Variants in ANK1 observed in about 807,000 individuals in gnomAD.
ANK1 encodes ankyrin-1.
In ANK1, 51 loss-of-function variants were observed where a neutral mutation model predicts 210.4. The observed-to-expected ratio is 0.24, with a 90% CI of 0.19 to 0.31. ANK1 has a LOEUF of 0.31. Among genes scored for constraint, ANK1 ranks in the 10% least tolerant of loss-of-function variants. The pLI is 1.00. For missense variants in ANK1, 2,051 were observed against 2,504.4 expected (o/e 0.82, Z 3.86); for synonymous variants, 967 against 1,025.9 (o/e 0.94, Z 1.10).
chr8:41,738,236 T>C (rs149084315), intron 2 of ANK1, among the ~76,000 whole-genome samples: 51 of 152,236 alleles, frequency 3.4e-4, no homozygotes, highest in African/African-American at 1.2e-3. Flanking sequence ...TAAAATATGC[T>C]CCCAGCTCTC....
chr8:41,662,503 A>G (rs542024470), intron 40 of ANK1, among the ~76,000 whole-genome samples: 1 of 152,332 alleles, frequency 6.6e-6, no homozygotes, highest in African/African-American at 2.4e-5. Flanking sequence ...CCTCGAGCCC[A>G]CAGCCTTCTG....
chr8:41,864,833 T>C (rs903023295), intron 1 of ANK1, among the ~76,000 whole-genome samples: 2 of 152,124 alleles, frequency 1.3e-5, no homozygotes, highest in African/African-American at 4.8e-5. Context: ...CAAAGCCATG[T>C]CCACATGAAG....
chr8:41,841,528 C>T (rs1157960659), intron 1 of ANK1, among the ~76,000 whole-genome samples: 2 of 152,072 alleles, frequency 1.3e-5, no homozygotes, highest in Admixed American at 1.3e-4. Context: ...GGATGACTCC[C>T]CGGCTAAGTG....
chr8:41,774,159 C>T (rs1167397068), intron 1 of ANK1, among the ~76,000 whole-genome samples: 1 of 152,100 alleles, frequency 6.6e-6, no homozygotes, highest in Non-Finnish European at 1.5e-5. Context: ...CTCATCTCCG[C>T]TCAACTCAGA....
intron 31 of ANK1, among the ~76,000 whole-genome samples, chr8:41,692,083 G>A (rs1435587030): frequency 6.7e-6 from 1 of 149,426 alleles, no homozygotes; most frequent in East Asian, 2.0e-4. Flanking sequence ...TTTAAACAGA[G>A]TCTTGCTCTG....
chr8:41,774,371 C>G (rs572539941), intron 1 of ANK1, among the ~76,000 whole-genome samples: 2 of 152,338 alleles, frequency 1.3e-5, no homozygotes, highest in South Asian at 2.1e-4. Flanking sequence ...ACTCAGATTT[C>G]TAAATGAATC....
chr8:41,758,173 G>C (rs755419240), intron 1 of ANK1, 36 bp from the exon 2 acceptor site: 1 of 1,581,986 alleles, frequency 6.3e-7, no homozygotes, highest in Non-Finnish European at 8.7e-7. Flanking sequence ...AGTGTCCTGG[G>C]TGTATTAATG....
intron 33 of ANK1, among the ~76,000 whole-genome samples, chr8:41,689,216 C>T (rs144779892): frequency 0.034 from 5,138 of 152,214 alleles, 144 homozygotes; most frequent in South Asian, 0.053. Context: ...CTCAAACTCC[C>T]GGCCTCAAGT....
chr8:41,664,647 T>C (rs1809749481), intron 39 of ANK1, among the ~76,000 whole-genome samples: 1 of 152,060 alleles, frequency 6.6e-6, no homozygotes, highest in Non-Finnish European at 1.5e-5. Context: ...ACACACACTC[T>C]GGCTCCCAGG....
chr8:41,792,570 G>C (rs1049574247), intron 1 of ANK1, among the ~76,000 whole-genome samples: 4 of 152,226 alleles, frequency 2.6e-5, no homozygotes, highest in Admixed American at 1.3e-4. Flanking sequence ...ATAAGAGGAA[G>C]TGACTCAAAG....
intron 1 of ANK1, among the ~76,000 whole-genome samples, chr8:41,758,923 G>C (rs1839820950): frequency 6.6e-6 from 1 of 151,828 alleles, no homozygotes; most frequent in South Asian, 2.1e-4. Context: ...TAGAGATGGG[G>C]TCTCACTATG....
upstream of ANK1, among the ~76,000 whole-genome samples, chr8:41,801,315 A>G (rs1849827073): frequency 6.6e-6 from 1 of 152,242 alleles, no homozygotes; most frequent in Non-Finnish European, 1.5e-5. Flanking sequence ...CTATTAAAAC[A>G]TTATTGCTAT....
intron 1 of ANK1, among the ~76,000 whole-genome samples, chr8:41,870,451 C>T (rs903397488): frequency 1.3e-5 from 2 of 152,140 alleles, no homozygotes; most frequent in East Asian, 1.9e-4. Flanking sequence ...GGGACATGAG[C>T]GTCCCTCCAT....
intron 17 of ANK1, among the ~76,000 whole-genome samples, chr8:41,707,179 G>A (rs16890767): frequency 0.013 from 1,993 of 152,342 alleles, 48 homozygotes; most frequent in African/African-American, 0.044. Flanking sequence ...AGAGCATCCC[G>A]CCAGGATTGA....
At chr8:41,834,935 C>G (rs1470221462) in intron 1 of ANK1, among the ~76,000 whole-genome samples, 1 of 152,230 alleles carries the variant, frequency 6.6e-6, no homozygotes, top group Non-Finnish European at 1.5e-5. Flanking sequence ...GGGATCATCC[C>G]CGCTGCCCGG....
intron 31 of ANK1, among the ~76,000 whole-genome samples, chr8:41,692,184 G>A (rs1475442306): frequency 6.6e-6 from 1 of 152,074 alleles, no homozygotes; most frequent in African/African-American, 2.4e-5. Context: ...AGCCACCCGA[G>A]TAGCTGGGAT....
In ANK1 at chr8:41,858,588, G is replaced by GC. The variant is rs1563919309; in HGVS notation, c.126+37766dup. 3.9e-5 allele frequency among the ~76,000 whole-genome samples: 6 copies of GC among 152,164 alleles called. No homozygotes were observed. In the East Asian group the frequency reaches 9.6e-4, roughly 24 times the overall value. ...GAACTGCTCGGACGTGAGCACAGCC[G>GC]CAGGGAGCCCACAGAGGGCTTGGTG... On this transcript the variant is annotated intron_variant, in intron 1 of 42. Coordinates refer to the ANK1 transcript ENST00000265709.
intron 1 of ANK1, among the ~76,000 whole-genome samples, chr8:41,806,799 C>T (rs1002340577): frequency 1.1e-4 from 16 of 152,256 alleles, no homozygotes; most frequent in African/African-American, 3.6e-4. Flanking sequence ...GCTCCACTCT[C>T]GATGGTTTTC....
intron 2 of ANK1, among the ~76,000 whole-genome samples, chr8:41,741,100 T>C (rs1834680988): frequency 6.6e-6 from 1 of 152,180 alleles, no homozygotes; most frequent in Non-Finnish European, 1.5e-5. Flanking sequence ...AGAACTGGGC[T>C]TCCCTCCTCT....
Sources: allele counts gnomAD v4.1 joint callset (sites outside exome capture counted in the v4.1 genomes callset), GRCh38; gene constraint gnomAD v4.1.1; transcripts MANE v1.5; gene names NCBI Gene and HGNC (gene_info 2026-07-23, HGNC 2026-07-21).